ASCC3: variants seen among roughly 807,000 people sequenced by gnomAD.
The protein encoded by ASCC3 is ASC-1 complex subunit P200.
A neutral mutation model predicts 256.3 loss-of-function variants in ASCC3; 158 were observed. The observed-to-expected ratio is 0.62, with a 90% CI of 0.54 to 0.70. The LOEUF (loss-of-function observed/expected upper bound fraction) is 0.70. ASCC3 is among the 30% of genes least tolerant of loss of function. The pLI, the probability that ASCC3 is intolerant of heterozygous loss-of-function variation, is 0.00. For synonymous variants in ASCC3, 948 were observed against 883.4 expected (o/e 1.07, Z -1.30); for missense variants, 2,259 against 2,626.0 (o/e 0.86, Z 3.05).
intron 10 of ASCC3, among the ~76,000 whole-genome samples, chr6:100,756,663 G>A (rs977608757): frequency 2.6e-5 from 4 of 151,994 alleles, no homozygotes; most frequent in Non-Finnish European, 2.9e-5. Context: ...TCTAAGGCTG[G>A]GCTTCTCTCA....
intron 37 of ASCC3, among the ~76,000 whole-genome samples, chr6:100,523,780 T>G (rs1398191130): frequency 6.6e-6 from 1 of 152,192 alleles, no homozygotes; most frequent in Admixed American, 6.5e-5. Context: ...TTTCTTCTTA[T>G]CTTCCACAGT....
chr6:100,679,406 T>C (rs1418640452), intron 14 of ASCC3, among the ~76,000 whole-genome samples: 4 of 152,146 alleles, frequency 2.6e-5, no homozygotes, highest in African/African-American at 7.2e-5. Flanking sequence ...GCACTTCAAT[T>C]ATAACCATAT....
intron 13 of ASCC3, among the ~76,000 whole-genome samples, chr6:100,698,451 T>A (rs552728946): frequency 1.8e-4 from 28 of 152,166 alleles, no homozygotes; most frequent in Admixed American, 1.6e-3. Context: ...AAAATCTAAA[T>A]TTTTAAAAGG....
In ASCC3 at chr6:100,650,599, TA is replaced by T; in HGVS notation, c.3190del (p.Tyr1064IlefsTer35). The T allele has an allele frequency of 6.2e-7, 1 of 1,612,878 alleles. No individual in the cohort carries two copies. The highest frequency in any genetic ancestry group is 8.5e-7 in the Non-Finnish European group (1 of 1,179,148). On this transcript the variant is annotated frameshift_variant, in exon 20 of 42. Transcript: ENST00000369162. LOFTEE classifies it high-confidence loss of function. ...ACTGTCCATTTCTCCTCGGCTGATA[TA>T]AGTTTGAAGTAAGATGTTTATTTTC... ...YGKINILLQT[Y>X]ISRGEMDSFS... is the part of the protein sequence containing the mutation.
chr6:100,760,495 A>G (rs892257800), intron 10 of ASCC3, among the ~76,000 whole-genome samples: 1 of 152,214 alleles, frequency 6.6e-6, no homozygotes, highest in Non-Finnish European at 1.5e-5. Flanking sequence ...ATCGTTGTGG[A>G]TAAGTTTTTT....
chr6:100,614,071 A>G (rs1037253972), intron 30 of ASCC3, among the ~76,000 whole-genome samples: 1 of 152,098 alleles, frequency 6.6e-6, no homozygotes, highest in Non-Finnish European at 1.5e-5. Flanking sequence ...TTTTAATTTA[A>G]TTTGGCACGC....
intron 36 of ASCC3, among the ~76,000 whole-genome samples, chr6:100,554,154 T>C (rs1468757075): frequency 6.6e-6 from 1 of 152,188 alleles, no homozygotes; most frequent in African/African-American, 2.4e-5. Flanking sequence ...TTTGTTAAAA[T>C]AAGAAACAAA....
rs1771543963 is a variant in ASCC3, at chr6:100,584,699, C to T, written c.5550+4935G>A. Among the ~76,000 whole-genome samples, 4 of 152,106 alleles carry T rather than the reference C, an allele frequency of 2.6e-5. No homozygotes were observed. In the South Asian group the frequency reaches 8.4e-4, roughly 32 times the overall value. On this transcript the variant is annotated intron_variant, in intron 36 of 41. Transcript: ENST00000369162. ...AGTCTCGATGGTCTTTAGATTTTGG[C>T]ATGATTTTGCAGCGGCTGGTACCGG...
intron 1 of ASCC3, among the ~76,000 whole-genome samples, chr6:100,877,176 A>G (rs972435407): frequency 6.6e-6 from 1 of 152,174 alleles, no homozygotes; most frequent in Admixed American, 6.5e-5. Context: ...GCCAAACTAT[A>G]TTTCCTAATA....
intron 11 of ASCC3, among the ~76,000 whole-genome samples, chr6:100,724,755 A>G (rs1276445378): frequency 6.6e-6 from 1 of 152,002 alleles, no homozygotes; most frequent in Non-Finnish European, 1.5e-5. Flanking sequence ...ATACTATTGT[A>G]TAAGAATACG....
intron 16 of ASCC3, among the ~76,000 whole-genome samples, chr6:100,661,342 C>T (rs1031826802): frequency 6.6e-6 from 1 of 151,300 alleles, no homozygotes; most frequent in South Asian, 2.1e-4. Context: ...CACACACACA[C>T]ACACACACAC....
At position 100,641,384 on chromosome 6, in the gene ASCC3, G is replaced by A. The variant is rs1236408188; in HGVS notation, c.3901+1197C>T. ...GTTGTTTCCTGACTTTTTAATGATC[G>A]CCATTCTAACTGGTGTGAGATGGTA... On this transcript the variant is annotated intron_variant, in intron 24 of 41. Transcript: ENST00000369162. Among the ~76,000 whole-genome samples, 6 of 152,052 alleles carry A rather than the reference G, an allele frequency of 3.9e-5. No individual in the cohort carries two copies. In the East Asian group the frequency reaches 5.8e-4, roughly 15 times the overall value.
intron 1 of ASCC3, among the ~76,000 whole-genome samples, chr6:100,875,152 AAGAC>A (rs758623494): frequency 1.5e-5 from 2 of 132,046 alleles, no homozygotes; most frequent in East Asian, 2.1e-4. Context: ...AACCAACTGA[AAGAC>A]AGAGAGGATA....
intron 14 of ASCC3, among the ~76,000 whole-genome samples, chr6:100,670,816 T>C (rs1430361830): frequency 1.3e-5 from 2 of 152,120 alleles, no homozygotes; most frequent in Non-Finnish European, 1.5e-5. Context: ...TAAATTTCAC[T>C]GCTACGAATT....
At chr6:100,608,545 AC>A (rs1220402059) in intron 30 of ASCC3, among the ~76,000 whole-genome samples, 2 of 4,614 alleles carry the variant, frequency 4.3e-4, no homozygotes, top group Admixed American at 0.01. Flanking sequence ...TTATATATAT[AC>A]TTTATATATA....
intron 27 of ASCC3, among the ~76,000 whole-genome samples, 179 bp downstream of exon 27, chr6:100,628,836 T>C (rs1273305881): frequency 1.3e-5 from 2 of 152,098 alleles, no homozygotes; most frequent in East Asian, 1.9e-4. Flanking sequence ...TCAATTTATA[T>C]GTAAGGTGAT....
intron 34 of ASCC3, among the ~76,000 whole-genome samples, chr6:100,597,774 C>T (rs146264448): frequency 3.9e-4 from 55 of 140,746 alleles, no homozygotes; most frequent in African/African-American, 1.3e-3. Flanking sequence ...AGATGGAGAC[C>T]ATTCTGGCTT....
At chr6:100,612,379 C>T (rs1229169530) in intron 30 of ASCC3, among the ~76,000 whole-genome samples, 1 of 151,938 alleles carries the variant, frequency 6.6e-6, no homozygotes, top group Non-Finnish European at 1.5e-5. Flanking sequence ...TGCTAAAAAC[C>T]CATACTTTCT....
chr6:100,530,335 A>G, intron 37 of ASCC3: 2 of 1,423,856 alleles, frequency 1.4e-6, no homozygotes, highest in Non-Finnish European at 2.0e-6. Context: ...TCTTCACACA[A>G]TCTAGTGAAA....
Sources: allele counts gnomAD v4.1 joint callset (sites outside exome capture counted in the v4.1 genomes callset), GRCh38; gene constraint gnomAD v4.1.1; transcripts MANE v1.5; gene names NCBI Gene and HGNC (gene_info 2026-07-23, HGNC 2026-07-21).